The following STXBP5L variants were observed in gnomAD, a reference collection of about 807,000 sequenced individuals.
STXBP5L encodes syntaxin binding protein 5L, also known as syntaxin-binding protein 5-like.
In STXBP5L, 65 loss-of-function variants were observed where a neutral mutation model predicts 144.5. That is an observed-to-expected ratio of 0.45 (90% CI 0.37 to 0.55). The LOEUF (loss-of-function observed/expected upper bound fraction) is 0.55, where lower values mean the gene tolerates loss of function less well. Among genes scored for constraint, STXBP5L ranks in the 20% least tolerant of loss-of-function variants. The probability of loss-of-function intolerance (pLI) is 0.00; values close to 1 mark genes in which losing one functional copy is unlikely to be tolerated. For synonymous variants in STXBP5L, 505 were observed against 469.6 expected (o/e 1.08, Z -0.97); for missense variants, 1,298 against 1,405.5 (o/e 0.92, Z 1.22).
At chr3:121,392,717 G>A in intron 22 of STXBP5L, among the ~76,000 whole-genome samples, 1 of 146,758 alleles carries the variant, frequency 6.8e-6, no homozygotes, top group Non-Finnish European at 1.5e-5. Context: ...CCAGTGTGTA[G>A]TCAAGTATAA....
chr3:120,962,737 T>G (rs755528411), intron 3 of STXBP5L, among the ~76,000 whole-genome samples: 4 of 152,236 alleles, frequency 2.6e-5, no homozygotes, highest in Non-Finnish European at 4.4e-5. Flanking sequence ...TTCATTTTGC[T>G]TAGAATTGTC....
intron 3 of STXBP5L, among the ~76,000 whole-genome samples, chr3:121,009,031 A>T (rs1321313904): frequency 6.6e-6 from 1 of 151,730 alleles, no homozygotes; most frequent in Non-Finnish European, 1.5e-5. Flanking sequence ...TGCAGTAGAG[A>T]CAGTGAGTAG....
chr3:121,402,932 C>T (rs1435510737), intron 22 of STXBP5L, among the ~76,000 whole-genome samples: 2 of 152,130 alleles, frequency 1.3e-5, no homozygotes, highest in African/African-American at 2.4e-5. Flanking sequence ...TAGACTCAAA[C>T]GATCCTCCCA....
intron 7 of STXBP5L, among the ~76,000 whole-genome samples, chr3:121,150,694 A>G: frequency 6.6e-6 from 1 of 152,234 alleles, no homozygotes; most frequent in East Asian, 1.9e-4. Context: ...GAAAGATTAT[A>G]TTATTCATTT....
At chr3:121,367,931 T>C (rs376437913) in intron 20 of STXBP5L, among the ~76,000 whole-genome samples, 4 of 151,984 alleles carry the variant, frequency 2.6e-5, no homozygotes, top group African/African-American at 9.6e-5. Flanking sequence ...TTTTGAAAGC[T>C]TTGTAACAAT....
intron 7 of STXBP5L, among the ~76,000 whole-genome samples, chr3:121,135,897 C>G (rs73191408): frequency 0.036 from 5,411 of 152,274 alleles, 146 homozygotes; most frequent in Middle Eastern, 0.082. Context: ...CTCAAGCCCC[C>G]ACTAATCCTC....
intron 3 of STXBP5L, among the ~76,000 whole-genome samples, chr3:120,961,888 C>A (rs1938875340): frequency 1.3e-5 from 2 of 152,220 alleles, no homozygotes; most frequent in Non-Finnish European, 2.9e-5. Context: ...ACACTCCCAC[C>A]AACAGTGTAA....
At chr3:121,229,055 G>A (rs188695734) in intron 11 of STXBP5L, among the ~76,000 whole-genome samples, 71 of 152,124 alleles carry the variant, frequency 4.7e-4, no homozygotes, top group African/African-American at 1.5e-3. Flanking sequence ...TCCTTCATAA[G>A]TTCCCATTCA....
intron 11 of STXBP5L, among the ~76,000 whole-genome samples, chr3:121,230,892 G>A (rs1319465377): frequency 3.3e-5 from 5 of 152,114 alleles, no homozygotes; most frequent in Non-Finnish European, 5.9e-5. Flanking sequence ...GTAGTCGGGC[G>A]GACCGGCAGG....
chr3:120,918,416 A>G (rs1272536336), intron 2 of STXBP5L, among the ~76,000 whole-genome samples: 1 of 152,182 alleles, frequency 6.6e-6, no homozygotes, highest in Non-Finnish European at 1.5e-5. Flanking sequence ...CTTTAAACAC[A>G]CAAGAACAGA....
chr3:121,324,383 A>G, intron 20 of STXBP5L: 1 of 554,382 alleles, frequency 1.8e-6, no homozygotes, highest in East Asian at 3.0e-5. Flanking sequence ...TACAAAATGC[A>G]GATCTTTCCA....
At chr3:121,198,934 G>C (rs987334626) in intron 9 of STXBP5L, among the ~76,000 whole-genome samples, 6 of 152,062 alleles carry the variant, frequency 3.9e-5, no homozygotes, top group African/African-American at 1.4e-4. Flanking sequence ...TTCCAGCTTT[G>C]TTCTTTTTGC....
intron 9 of STXBP5L, among the ~76,000 whole-genome samples, chr3:121,160,478 A>G (rs2046282407): frequency 6.6e-6 from 1 of 152,218 alleles, no homozygotes; most frequent in Admixed American, 6.5e-5. Context: ...ATAGTGTCAC[A>G]CTGTATTGCA....
chr3:121,132,828 C>G (rs1358830064), intron 7 of STXBP5L, among the ~76,000 whole-genome samples: 1 of 151,044 alleles, frequency 6.6e-6, no homozygotes, highest in African/African-American at 2.4e-5. Flanking sequence ...CTGAAGAACA[C>G]AATAATAGAA....
At chr3:121,218,176 A>AT (rs1193681820) in intron 10 of STXBP5L, among the ~76,000 whole-genome samples, 73 of 141,650 alleles carry the variant, frequency 5.2e-4, no homozygotes, top group African/African-American at 1.8e-3. Context: ...ACTATACTAT[A>AT]TATAGTATGA....
intron 20 of STXBP5L, among the ~76,000 whole-genome samples, chr3:121,366,825 T>C (rs1003978351): frequency 2.6e-5 from 4 of 151,808 alleles, no homozygotes; most frequent in African/African-American, 7.3e-5. Flanking sequence ...TCCATTTTTT[T>C]ATTACTGTTT....
chr3:120,988,665 T>C lies in STXBP5L; in HGVS notation c.287+33628T>C, dbSNP rs554481721. On this transcript the variant is annotated intron_variant, in intron 3 of 26. Transcript: ENST00000471454. ...GAGTTCTATATCCTTGCTAATTTTC[T>C]TTAAAAAATTTTTTTAGAGATGAAA... Among the ~76,000 whole-genome samples the C allele has an allele frequency of 3.5e-4, 53 of 152,248 alleles. 1 individual carries two copies. The South Asian group carries it at 9.5e-3, about 27-fold the overall frequency.
chr3:121,295,949 ATTAC>A (rs1434618238), intron 19 of STXBP5L, among the ~76,000 whole-genome samples: 3 of 152,208 alleles, frequency 2.0e-5, no homozygotes, highest in Non-Finnish European at 2.9e-5. Context: ...TTTACAAGTT[ATTAC>A]TTAAAGTACT....
chr3:121,190,752 T>TG (rs1167026022), intron 9 of STXBP5L, among the ~76,000 whole-genome samples: 198 of 28,412 alleles, frequency 7.0e-3, no homozygotes, highest in African/African-American at 0.022. Context: ...ATGGGGCAGC[T>TG]GCCGGGCGGA....
Sources: allele counts gnomAD v4.1 joint callset (sites outside exome capture counted in the v4.1 genomes callset), GRCh38; gene constraint gnomAD v4.1.1; transcripts MANE v1.5; gene names NCBI Gene and HGNC (gene_info 2026-07-23, HGNC 2026-07-21).